The following SLC6A3 variants were observed in gnomAD, a reference collection of about 807,000 sequenced individuals.
The protein encoded by SLC6A3 is solute carrier family 6 member 3.
A neutral mutation model predicts 70.4 loss-of-function variants in SLC6A3; 19 were observed. That is an observed-to-expected ratio of 0.27 (90% CI 0.19 to 0.40). The LOEUF is 0.40. SLC6A3 is among the 10% of genes least tolerant of loss of function. SLC6A3 has a pLI of 1.00. For missense variants in SLC6A3, 613 were observed against 838.5 expected (o/e 0.73, Z 3.32); for synonymous variants, 368 against 356.6 (o/e 1.03, Z -0.36).
At chr5:1,400,480 C>T (rs1281458869) in intron 14 of SLC6A3, among the ~76,000 whole-genome samples, 1 of 152,180 alleles carries the variant, frequency 6.6e-6, no homozygotes, top group Non-Finnish European at 1.5e-5. Flanking sequence ...GGCTCCCAGG[C>T]CTCTCCCAGC....
intron 8 of SLC6A3, among the ~76,000 whole-genome samples, chr5:1,414,274 T>G (rs900583975): frequency 5.3e-5 from 8 of 149,730 alleles, no homozygotes; most frequent in African/African-American, 1.7e-4. Context: ...CAGCCTCATG[T>G]GGCATCTGCA....
At chr5:1,417,772 G>A (rs1238686163) in intron 6 of SLC6A3, among the ~76,000 whole-genome samples, 1 of 152,190 alleles carries the variant, frequency 6.6e-6, no homozygotes, top group African/African-American at 2.4e-5. Context: ...GGCTGTTCCT[G>A]CAAGTCCCTG....
chr5:1,435,986 AGTGGTGGCC>A (rs1756825067), intron 3 of SLC6A3, among the ~76,000 whole-genome samples: 5 of 71,962 alleles, frequency 6.9e-5, no homozygotes, highest in South Asian at 6.3e-4. Flanking sequence ...TCCCTTGAAC[AGTGGTGGCC>A]AGTCCCCTCC....
At chr5:1,409,941 C>G (rs1425681073) in intron 9 of SLC6A3, 92 bp from the exon 10 acceptor site, 4 of 1,527,886 alleles carry the variant, frequency 2.6e-6, no homozygotes, top group Non-Finnish European at 3.6e-6. Flanking sequence ...TGGACGCACA[C>G]CCGGGGATGG....
chr5:1,411,399 C>T lies in SLC6A3; in HGVS notation c.1157-44G>A. ...TGCTTGCCACAGAGCCCACGCTGTG[C>T]TCTCCCGCCCATCCTGCCCCACCCC... On this transcript the variant is annotated intron_variant, in intron 8 of 14. Coordinates refer to ENST00000270349, the MANE Select transcript of SLC6A3 (RefSeq NM_001044.5). The surrounding 1 kb of genome is among the most constrained non-coding windows in gnomAD (Gnocchi z 6.5). The T allele has an allele frequency of 1.4e-6, 2 of 1,411,944 alleles. No homozygotes were observed. The highest frequency in any genetic ancestry group is 1.2e-5 in the South Asian group (1 of 81,208). 87.5% of individuals were successfully genotyped at this position (1,411,944 alleles called of 1,614,324 possible). A position where few individuals can be genotyped will look rare whatever the true frequency, so the allele number is the denominator to read the frequency against.
Position 1,442,878 on chromosome 5 carries a change from C to G in SLC6A3, c.286+34G>C, listed in dbSNP as rs1366776893. On this transcript the variant is annotated intron_variant, in intron 2 of 14. Transcript: ENST00000270349. The surrounding 1 kb of genome is among the most constrained non-coding windows in gnomAD (Gnocchi z 5.0). ...GGCTGCCCCTACGACCCCCGCCCGG[C>G]CAGCATGCTCAGGGAGGCTGAGATG... The G allele has an allele frequency of 6.2e-6, 10 of 1,613,130 alleles. 4 individuals are homozygous for G. In the Admixed American group the frequency reaches 1.7e-4, roughly 27 times the overall value.
rs1198851686 is a variant in SLC6A3, at chr5:1,406,696, T to TA, written c.1499-409dup. 2.0e-5 allele frequency among the ~76,000 whole-genome samples: 3 copies of TA among 149,950 alleles called. No individual in the cohort carries two copies. The highest frequency in any genetic ancestry group is 4.5e-5 in the Non-Finnish European group (3 of 66,432). On this transcript the variant is annotated intron_variant, in intron 11 of 14. Transcript: ENST00000270349. This position sits in a 1 kb window ranked among gnomAD's most constrained non-coding sequence, Gnocchi z 8.8. ...TAGCCATTTTTACGTGTAGAGTTCA[T>TA]AATGTATCAATACATTCACATACTG...
At chr5:1,425,294 G>C (rs1756553374) in intron 4 of SLC6A3, among the ~76,000 whole-genome samples, 1 of 152,258 alleles carries the variant, frequency 6.6e-6, no homozygotes, top group South Asian at 2.1e-4. Flanking sequence ...AGCCAAGGCA[G>C]TGAGGTGGTG....
At chr5:1,423,638 C>T (rs1756513779) in intron 4 of SLC6A3, among the ~76,000 whole-genome samples, 1 of 152,228 alleles carries the variant, frequency 6.6e-6, no homozygotes, top group South Asian at 2.1e-4. Flanking sequence ...ATGGAGCTGA[C>T]CATCGGCTGT....
rs913305701 is a variant in SLC6A3, at chr5:1,406,088, C to T, written c.1599+100G>A. ...GAGTCTTGAGGCCCCTGACTCCAGC[C>T]ACAGTGACAACCCACATGCGGGCGC... On this transcript the variant is annotated intron_variant, in intron 12 of 14. Transcript: ENST00000270349. The surrounding 1 kb of genome is among the most constrained non-coding windows in gnomAD (Gnocchi z 8.8). The T allele has an allele frequency of 1.2e-6, 1 of 852,226 alleles. No individual in the cohort carries two copies. The highest frequency in any genetic ancestry group is 2.0e-6 in the Non-Finnish European group (1 of 492,726). 52.8% of individuals were successfully genotyped at this position (852,226 alleles called of 1,614,324 possible).
chr5:1,415,602 T>C (rs1756270994), intron 7 of SLC6A3, among the ~76,000 whole-genome samples: 1 of 152,186 alleles, frequency 6.6e-6, no homozygotes, highest in African/African-American at 2.4e-5. Flanking sequence ...AGCAAGCAGA[T>C]CCCGGATAAA....
chr5:1,443,231 T>C lies in SLC6A3; in HGVS notation c.-34A>G. 1 of 1,611,518 alleles carries C rather than the reference T, an allele frequency of 6.2e-7. No homozygotes were observed. On this transcript the variant is annotated 5_prime_UTR_variant, in exon 2 of 15. Coordinates refer to ENST00000270349, the MANE Select transcript of SLC6A3 (RefSeq NM_001044.5). ...TGGGAGTTGAGGAATTCTGTGCTTC[T>C]TCCCTCTTGGTCTTCAGCCAATATG...
rs184515054 is a variant in SLC6A3, at chr5:1,400,906, C to T, written c.1839+9G>A. On this transcript the variant is annotated intron_variant, in intron 14 of 14. Coordinates refer to ENST00000270349, the MANE Select transcript of SLC6A3 (RefSeq NM_001044.5). Reference sequence around the variant, plus strand: ...CCCGAGAGAGGCCCAGCAGGGACCTCGACCTCACCGTGAACTGGCGCACCT... The same window carrying T: ...CCCGAGAGAGGCCCAGCAGGGACCTTGACCTCACCGTGAACTGGCGCACCT... 400 of 1,573,168 alleles carry T rather than the reference C, an allele frequency of 2.5e-4. 4 individuals carry two copies. In the African/African-American group the frequency reaches 4.6e-3, roughly 18 times the overall value.
At chr5:1,412,215 A>G (rs1381206041) in intron 8 of SLC6A3, among the ~76,000 whole-genome samples, 1 of 152,242 alleles carries the variant, frequency 6.6e-6, no homozygotes, top group Non-Finnish European at 1.5e-5. Context: ...ACCCACAGTG[A>G]GCGGGTCCCT....
rs1019941756 is a variant in SLC6A3, at chr5:1,405,438, C to T, written c.1599+750G>A. ...GTCCCCTGCCCTGTTCCAGTCCCCA[C>T]CTCGTGCCTGCTGGACTCGGGAGGT... On this transcript the variant is annotated intron_variant, in intron 12 of 14. Transcript: ENST00000270349. This position sits in a 1 kb window ranked among gnomAD's most constrained non-coding sequence, Gnocchi z 5.3. Among the ~76,000 whole-genome samples the T allele has an allele frequency of 6.6e-6, 1 of 152,198 alleles. No individual in the cohort carries two copies. Among genetic ancestry groups the T allele is most frequent in the Non-Finnish European group, 1.5e-5 (1 of 68,018 alleles).
rs1214007672 is a variant in SLC6A3 at position 1,405,586 on chromosome 5, G to C, written c.1599+602C>G. The stretch of plus-strand genomic sequence containing the variant: ...CCTCCAGGCCTCTGTGGTTCAGTGG[G>C]GGAAGCACTGCAGGCAATCCCTAAT... On this transcript the variant is annotated intron_variant, in intron 12 of 14. Transcript: ENST00000270349. This position sits in a 1 kb window ranked among gnomAD's most constrained non-coding sequence, Gnocchi z 5.3. 6.6e-6 allele frequency among the ~76,000 whole-genome samples: 1 copy of C among 152,220 alleles called. No homozygotes were observed. The highest frequency in any genetic ancestry group is 2.4e-5 in the African/African-American group (1 of 41,456).
In SLC6A3 at chr5:1,404,585, C is replaced by A. The variant is rs539854475; in HGVS notation, c.1600-1496G>T. On this transcript the variant is annotated intron_variant, in intron 12 of 14. Transcript: ENST00000270349. This position sits in a 1 kb window ranked among gnomAD's most constrained non-coding sequence, Gnocchi z 5.2. The stretch of plus-strand genomic sequence containing the variant: ...ATCATCTGCCACAGAGTCATCTGAA[C>A]GAGACTGGGGCGTGTACACCCCTTA... Among the ~76,000 whole-genome samples the A allele has an allele frequency of 1.3e-5, 2 of 152,200 alleles. No individual in the cohort carries two copies. Among genetic ancestry groups the A allele is most frequent in the African/African-American group, 4.8e-5 (2 of 41,442 alleles).
intron 4 of SLC6A3, among the ~76,000 whole-genome samples, chr5:1,428,734 G>C (rs1258777294): frequency 6.6e-6 from 1 of 152,152 alleles, no homozygotes; most frequent in Non-Finnish European, 1.5e-5. Flanking sequence ...AGCCAGCACT[G>C]CACACGGCAT....
In SLC6A3 at chr5:1,442,820, G is replaced by T; in HGVS notation, c.286+92C>A. On this transcript the variant is annotated intron_variant, in intron 2 of 14. Transcript: ENST00000270349. This position sits in a 1 kb window ranked among gnomAD's most constrained non-coding sequence, Gnocchi z 5.0. ...AGCTCCGTCTTCACGCATGGGAACA[G>T]CTTCATCTCGTTTCCGTACGTGCCT... 1 of 1,319,348 alleles carries T rather than the reference G, an allele frequency of 7.6e-7. No individual in the cohort carries two copies. Among genetic ancestry groups the T allele is most frequent in the Non-Finnish European group, 1.1e-6 (1 of 916,892 alleles). The allele number at this position is 1,319,348 out of a possible 1,614,324, so 81.7% of individuals were successfully genotyped here. A position where few individuals can be genotyped will look rare whatever the true frequency, so the allele number is the denominator to read the frequency against.
Sources: gnomAD v4.1 joint callset for allele counts (sites outside exome capture counted in the v4.1 genomes callset) on GRCh38, gnomAD v4.1.1 for gene constraint, Gnocchi (gnomAD v3.1) non-coding constraint, MANE v1.5 for transcripts, NCBI Gene and HGNC (gene_info 2026-07-23, HGNC 2026-07-21) for gene names.